GFRA1: variants seen among roughly 807,000 people sequenced by gnomAD.
GFRA1 encodes the protein GDNF family receptor alpha 1.
A neutral mutation model predicts 51.6 loss-of-function variants in GFRA1; 16 were observed. The observed-to-expected ratio is 0.31, with a 90% CI of 0.21 to 0.47. GFRA1 has a LOEUF of 0.47. Ranked by LOEUF, GFRA1 falls within the 20% of genes least tolerant of loss-of-function variation. The pLI is 1.00. For synonymous variants in GFRA1, 270 were observed against 241.3 expected (o/e 1.12, Z -1.10); for missense variants, 530 against 594.3 (o/e 0.89, Z 1.13).
intron 5 of GFRA1, among the ~76,000 whole-genome samples, chr10:116,142,642 TG>T (rs1958620768): frequency 6.6e-6 from 1 of 152,246 alleles, no homozygotes; most frequent in Non-Finnish European, 1.5e-5. Flanking sequence ...CAGATTGCTT[TG>T]TGCCCTTTGA....
At chr10:116,174,002 C>T (rs973123693) in intron 5 of GFRA1, among the ~76,000 whole-genome samples, 1 of 152,110 alleles carries the variant, frequency 6.6e-6, no homozygotes, top group Non-Finnish European at 1.5e-5. Context: ...ATCTCTTGAA[C>T]CTGGGAGGCA....
Position 116,059,617 on chromosome 10 carries a change from CG to C in GFRA1, c.*4780del, listed in dbSNP as rs1954704919. The C allele has an allele frequency of 1.3e-5, 2 of 152,210 alleles. No homozygotes were observed. The highest frequency in any genetic ancestry group is 4.8e-5 in the African/African-American group (2 of 41,434). The allele number at this position is 152,210 out of a possible 1,614,324, so 9.4% of individuals were successfully genotyped here. On this transcript the variant is annotated 3_prime_UTR_variant, in exon 11 of 11. Transcript: ENST00000355422. ...GCAGTTTATTGGAATAGGGTTTGTG[CG>C]CCTTCTCCACCCCTCTGGGCTGGGT...
chr10:116,147,305 GGGGGA>G (rs1272495706), intron 5 of GFRA1, among the ~76,000 whole-genome samples: 1 of 152,136 alleles, frequency 6.6e-6, no homozygotes, highest in East Asian at 1.9e-4. Context: ...TTTGGCCCTA[GGGGGA>G]GGGGAGTAGT....
intron 5 of GFRA1, among the ~76,000 whole-genome samples, chr10:116,182,920 G>A (rs150484967): frequency 1.6e-4 from 25 of 152,238 alleles, no homozygotes; most frequent in East Asian, 3.9e-4. Flanking sequence ...TTCCCCATGC[G>A]TCCATCCAGC....
At chr10:116,241,485 A>G (rs1967373332) in intron 4 of GFRA1, among the ~76,000 whole-genome samples, 1 of 152,192 alleles carries the variant, frequency 6.6e-6, no homozygotes. Flanking sequence ...TTCCTTCCCA[A>G]CATGAGCATC....
chr10:116,240,525 G>A (rs1235431621), intron 4 of GFRA1, among the ~76,000 whole-genome samples: 2 of 152,170 alleles, frequency 1.3e-5, no homozygotes, highest in Admixed American at 1.3e-4. Flanking sequence ...AAAAAACAAA[G>A]CATCTAAAGA....
intron 5 of GFRA1, among the ~76,000 whole-genome samples, chr10:116,189,762 C>A (rs1338866844): frequency 6.6e-6 from 1 of 152,128 alleles, no homozygotes. Flanking sequence ...CCAGTGTTAT[C>A]CAGTAAAATG....
chr10:116,214,061 GC>G (rs1965395423), intron 4 of GFRA1, among the ~76,000 whole-genome samples: 1 of 152,100 alleles, frequency 6.6e-6, no homozygotes, highest in Non-Finnish European at 1.5e-5. Flanking sequence ...GGATGCCACT[GC>G]CCAGAGACTG....
intron 9 of GFRA1, among the ~76,000 whole-genome samples, chr10:116,074,004 AAAT>A (rs1182398142): frequency 6.6e-6 from 1 of 152,226 alleles, no homozygotes; most frequent in Non-Finnish European, 1.5e-5. Flanking sequence ...TTTTAGAGAA[AAAT>A]ATTCTAGAAA....
intron 4 of GFRA1, among the ~76,000 whole-genome samples, chr10:116,232,586 C>T (rs963354020): frequency 1.3e-5 from 2 of 151,766 alleles, no homozygotes; most frequent in Non-Finnish European, 2.9e-5. Context: ...GAACAAAAAG[C>T]TATTATGGAG....
chr10:116,260,374 A>T (rs1254830524), intron 4 of GFRA1, among the ~76,000 whole-genome samples: 1 of 152,212 alleles, frequency 6.6e-6, no homozygotes, highest in African/African-American at 2.4e-5. Context: ...GAGCAGGCAG[A>T]TATACAAGTG....
rs1954977244 is a variant in GFRA1, at chr10:116,064,142, T to G, written c.*256A>C. ...CCCCAGTTTGCTTTACAGCCCAAGT[T>G]ACAAACTGTCCCTTTAAAATACAGC... On this transcript the variant is annotated 3_prime_UTR_variant, in exon 11 of 11. Coordinates refer to ENST00000355422, the MANE Select transcript of GFRA1 (RefSeq NM_005264.8). 2.3e-6 allele frequency: 1 copy of G among 440,280 alleles called. No homozygotes were observed. The highest frequency in any genetic ancestry group is 3.6e-5 in the Admixed American group (1 of 27,436). The allele number at this position is 440,280 out of a possible 1,614,324, so 27.3% of individuals were successfully genotyped here.
At chr10:116,205,622 T>C (rs1298524746) in intron 5 of GFRA1, among the ~76,000 whole-genome samples, 1 of 122,498 alleles carries the variant, frequency 8.2e-6, no homozygotes, top group Non-Finnish European at 1.7e-5. Flanking sequence ...TATATATATA[T>C]ATATTCTTTA....
chr10:116,064,464 C>G lies in GFRA1; in HGVS notation c.1332G>C (p.Leu444=). Reference sequence around the variant, plus strand: ...TTACCACCAGGACCAGCAGTGGGCTCAGACCACAGCTTGGAGGAGCAGCCA... The same window carrying G: ...TTACCACCAGGACCAGCAGTGGGCTGAGACCACAGCTTGGAGGAGCAGCCA... ...KSMAAPPSCG[L]SPLLVLVVTA... The change falls in exon 11 of 11, where the codon CTG becomes CTC. Residue 444 remains leucine, a synonymous_variant. Coordinates refer to ENST00000355422, the MANE Select transcript of GFRA1 (RefSeq NM_005264.8). The G allele has an allele frequency of 6.2e-7, 1 of 1,612,500 alleles. No individual in the cohort carries two copies. The highest frequency in any genetic ancestry group is 8.5e-7 in the Non-Finnish European group (1 of 1,178,850).
intron 5 of GFRA1, among the ~76,000 whole-genome samples, chr10:116,131,559 C>A (rs143565092): frequency 1.3e-5 from 2 of 152,174 alleles, no homozygotes; most frequent in East Asian, 3.9e-4. Flanking sequence ...CAGTTATCCA[C>A]GTGGACTGCT....
At chr10:116,240,465 A>G (rs576481427) in intron 4 of GFRA1, among the ~76,000 whole-genome samples, 1 of 152,336 alleles carries the variant, frequency 6.6e-6, no homozygotes, top group African/African-American at 2.4e-5. Flanking sequence ...GCAAAGAAGT[A>G]TTTTCTAGAG....
chr10:116,200,348 G>C (rs1288907061), intron 5 of GFRA1, among the ~76,000 whole-genome samples: 1 of 152,120 alleles, frequency 6.6e-6, no homozygotes, highest in Non-Finnish European at 1.5e-5. Flanking sequence ...CGAATTTCCT[G>C]GGTCTGAACT....
chr10:116,213,722 AAC>A (rs1208084106), intron 4 of GFRA1, among the ~76,000 whole-genome samples: 2 of 152,180 alleles, frequency 1.3e-5, no homozygotes, highest in Admixed American at 1.3e-4. Flanking sequence ...CTCATAGGTT[AAC>A]AGACTGCAAG....
Position 116,062,630 on chromosome 10 carries a change from C to T in GFRA1, c.*1768G>A, listed in dbSNP as rs1156977842. On this transcript the variant is annotated 3_prime_UTR_variant, in exon 11 of 11. Transcript: ENST00000355422. ...GTAGAAATGTGCACCCTGGTTTCCT[C>T]CTCCATCTCTTCTACCAATGTGGGA... 1 of 152,304 alleles carries T rather than the reference C, an allele frequency of 6.6e-6. No homozygotes were observed. Among genetic ancestry groups the T allele is most frequent in the Admixed American group, 6.5e-5 (1 of 15,278 alleles). The allele number at this position is 152,304 out of a possible 1,614,324, so 9.4% of individuals were successfully genotyped here. A position where few individuals can be genotyped will look rare whatever the true frequency, so the allele number is the denominator to read the frequency against.
Sources: allele counts gnomAD v4.1 joint callset (sites outside exome capture counted in the v4.1 genomes callset), GRCh38; gene constraint gnomAD v4.1.1; transcripts MANE v1.5; gene names NCBI Gene and HGNC (gene_info 2026-07-23, HGNC 2026-07-21).